Variants in MALRD1 observed in about 807,000 individuals in gnomAD.
The protein encoded by MALRD1 is MAM and LDL-receptor class A domain-containing protein 1.
Under a neutral mutation model 242.1 loss-of-function variants are expected in MALRD1, and 247 were observed. The observed-to-expected ratio is 1.02, with a 90% CI of 0.92 to 1.13. The LOEUF is 1.13. MALRD1 is among the 50% of genes most tolerant of loss of function. The pLI is 0.00. For missense variants in MALRD1, 2,989 were observed against 2,533.1 expected, an observed-to-expected ratio of 1.18 and a Z score of -3.86; for synonymous variants, 995 against 866.6, an observed-to-expected ratio of 1.15 and a Z score of -2.60.
chr10:19,669,227 A>G (rs531263428), intron 36 of MALRD1, among the ~76,000 whole-genome samples: 195 of 152,376 alleles, frequency 1.3e-3, no homozygotes, highest in African/African-American at 4.6e-3. Context: ...TCTAGAAGCT[A>G]GAAGATTTGT....
At chr10:19,083,992 T>A (rs1835580005) in intron 2 of MALRD1, among the ~76,000 whole-genome samples, 1 of 151,978 alleles carries the variant, frequency 6.6e-6, no homozygotes, top group Non-Finnish European at 1.5e-5. Flanking sequence ...ACAATACTCT[T>A]GTGGTTTATT....
chr10:19,203,735 G>A lies in MALRD1; in HGVS notation c.1959G>A (p.Lys653=), dbSNP rs1836656090. Residue 653 remains lysine, a synonymous_variant, in exon 15 of 40, where the codon AAG becomes AAA. Transcript: ENST00000454679. The part of the protein sequence containing the change: ...PRTSTQSKFS[K]CDFEANSCDW... ...CACATTTTTGTTCTTCAGTTTCCAA[G>A]TGTGACTTTGAAGCAAACAGCTGTG... 6.5e-7 allele frequency: 1 copy of A among 1,534,736 alleles called. No homozygotes were observed. The highest frequency in any genetic ancestry group is 8.8e-7 in the Non-Finnish European group (1 of 1,136,274).
intron 31 of MALRD1, among the ~76,000 whole-genome samples, chr10:19,515,711 T>C (rs73595825): frequency 0.25 from 37,492 of 151,754 alleles, 7,379 homozygotes; most frequent in African/African-American, 0.55. Context: ...AGGCACCCGC[T>C]ACAACGCCTG....
intron 36 of MALRD1, among the ~76,000 whole-genome samples, chr10:19,628,744 A>C (rs1426823774): frequency 6.6e-6 from 1 of 152,198 alleles, no homozygotes; most frequent in African/African-American, 2.4e-5. Flanking sequence ...TTTTGAAAAC[A>C]TATGTTGCTA....
At chr10:19,072,152 A>C (rs1255114510) in intron 2 of MALRD1, among the ~76,000 whole-genome samples, 2 of 152,184 alleles carry the variant, frequency 1.3e-5, no homozygotes, top group African/African-American at 2.4e-5. Flanking sequence ...TGTGTTTTCC[A>C]GATGTTGCTT....
intron 10 of MALRD1, among the ~76,000 whole-genome samples, chr10:19,140,543 A>ATG (rs34024633): frequency 0.01 from 1,472 of 147,066 alleles, 19 homozygotes; most frequent in African/African-American, 0.029. Context: ...GTGTGTGTGT[A>ATG]TGTGTGTGTG....
intron 31 of MALRD1, among the ~76,000 whole-genome samples, chr10:19,523,205 T>C (rs1833955710): frequency 6.6e-6 from 1 of 152,168 alleles, no homozygotes; most frequent in Admixed American, 6.5e-5. Flanking sequence ...AGTGGTAGAG[T>C]CAGGATGCAA....
chr10:19,381,952 G>GGTAT (rs1339149315), intron 26 of MALRD1, among the ~76,000 whole-genome samples: 3 of 151,996 alleles, frequency 2.0e-5, no homozygotes, highest in Admixed American at 2.0e-4. Flanking sequence ...CAGATTCTGT[G>GGTAT]GTATGTATTA....
At chr10:19,577,169 T>G (rs1231050466) in intron 33 of MALRD1, among the ~76,000 whole-genome samples, 1 of 152,188 alleles carries the variant, frequency 6.6e-6, no homozygotes. Context: ...TAGTGATTCA[T>G]AAGGCCTCGT....
At chr10:19,472,528 G>GTCC (rs1836545627) in intron 29 of MALRD1, among the ~76,000 whole-genome samples, 1 of 151,898 alleles carries the variant, frequency 6.6e-6, no homozygotes, top group Non-Finnish European at 1.5e-5. Context: ...AAGCAATCCA[G>GTCC]TCCTGGGCTT....
At chr10:19,174,234 T>C (rs1835126979) in intron 13 of MALRD1, among the ~76,000 whole-genome samples, 1 of 152,156 alleles carries the variant, frequency 6.6e-6, no homozygotes, top group South Asian at 2.1e-4. Flanking sequence ...AATGAGGTTC[T>C]TATGACCTAT....
intron 21 of MALRD1, among the ~76,000 whole-genome samples, chr10:19,284,714 G>A (rs1424276905): frequency 4.8e-4 from 47 of 97,250 alleles, no homozygotes; most frequent in Middle Eastern, 5.6e-3. Flanking sequence ...ATAAACATAC[G>A]TGTGCATGTG....
intron 28 of MALRD1, 98 bp from the exon 29 acceptor site, chr10:19,450,209 T>G (rs1018494944): frequency 1.9e-6 from 2 of 1,041,208 alleles, no homozygotes; most frequent in African/African-American, 3.2e-5. Flanking sequence ...TTTTTATTGG[T>G]CAAATGCTTC....
intron 26 of MALRD1, among the ~76,000 whole-genome samples, chr10:19,384,349 T>C (rs1344456117): frequency 1.6e-5 from 2 of 125,706 alleles, no homozygotes; most frequent in Non-Finnish European, 3.2e-5. Context: ...AATTACTATA[T>C]AATATATATT....
At chr10:19,710,069 C>A (rs548361105) in intron 38 of MALRD1, among the ~76,000 whole-genome samples, 1 of 152,078 alleles carries the variant, frequency 6.6e-6, no homozygotes, top group Admixed American at 6.6e-5. Context: ...CCACTGCACT[C>A]CAGCCTGGGC....
chr10:19,265,447 A>AT (rs923401595), intron 19 of MALRD1, among the ~76,000 whole-genome samples: 1 of 151,530 alleles, frequency 6.6e-6, no homozygotes, highest in African/African-American at 2.4e-5. Flanking sequence ...TTTATCTCAG[A>AT]TTTTTTATTT....
intron 26 of MALRD1, among the ~76,000 whole-genome samples, chr10:19,374,013 G>A (rs768829212): frequency 4.6e-5 from 7 of 152,258 alleles, no homozygotes; most frequent in Middle Eastern, 6.8e-3. Context: ...TATTGTTTGC[G>A]CTGGGAAATT....
At chr10:19,585,365 G>A (rs988452573) in intron 33 of MALRD1, among the ~76,000 whole-genome samples, 5 of 151,872 alleles carry the variant, frequency 3.3e-5, no homozygotes, top group African/African-American at 4.8e-5. Flanking sequence ...GGCTGGTACC[G>A]GTTGTTCCTT....
At chr10:19,280,356 G>A in intron 20 of MALRD1, 133 bp downstream of exon 20, 1 of 604,498 alleles carries the variant, frequency 1.7e-6, no homozygotes, top group Non-Finnish European at 2.5e-6. Context: ...AAATGTAACA[G>A]TTATTCATAC....
Sources: gnomAD v4.1 joint callset for allele counts (sites outside exome capture counted in the v4.1 genomes callset) on GRCh38, gnomAD v4.1.1 for gene constraint, MANE v1.5 for transcripts, NCBI Gene and HGNC (gene_info 2026-07-23, HGNC 2026-07-21) for gene names.